The following DPP6 variants were observed in gnomAD, a reference collection of about 807,000 sequenced individuals.
DPP6 encodes A-type potassium channel modulatory protein DPP6.
A neutral mutation model predicts 122.6 loss-of-function variants in DPP6; 69 were observed. The ratio of observed to expected loss-of-function variants is 0.56; its 90% CI spans 0.46 to 0.69. The LOEUF is 0.69. Among genes scored for constraint, DPP6 ranks in the 30% least tolerant of loss-of-function variants. DPP6 has a pLI of 0.00. For synonymous variants in DPP6, 418 were observed against 433.1 expected (o/e 0.97, Z 0.43); for missense variants, 928 against 1,116.9 (o/e 0.83, Z 2.41).
At chr7:153,933,772 C>A (rs1801293380) in intron 1 of DPP6, among the ~76,000 whole-genome samples, 1 of 152,136 alleles carries the variant, frequency 6.6e-6, no homozygotes, top group Non-Finnish European at 1.5e-5. Context: ...AGTTCCCCCC[C>A]AGCAGGCAGA....
chr7:154,753,623 C>T (rs1366365274), intron 8 of DPP6, among the ~76,000 whole-genome samples: 1 of 152,208 alleles, frequency 6.6e-6, no homozygotes, highest in Admixed American at 6.5e-5. Flanking sequence ...AATCGACACC[C>T]TCATTCTCTT....
intron 5 of DPP6, among the ~76,000 whole-genome samples, chr7:154,570,947 T>A (rs1016669658): frequency 2.6e-5 from 4 of 152,216 alleles, no homozygotes; most frequent in Non-Finnish European, 5.9e-5. Context: ...GTGTTTGTAT[T>A]TATGTGGCAC....
intron 8 of DPP6, among the ~76,000 whole-genome samples, chr7:154,734,835 A>G (rs1351200606): frequency 1.3e-5 from 2 of 152,240 alleles, no homozygotes; most frequent in African/African-American, 4.8e-5. Flanking sequence ...TCTGCAAAAC[A>G]AAGATAACAG....
intron 5 of DPP6, among the ~76,000 whole-genome samples, chr7:154,574,802 TTGTG>T (rs1246680290): frequency 2.3e-5 from 3 of 128,518 alleles, no homozygotes; most frequent in Non-Finnish European, 5.0e-5. Flanking sequence ...TGGTGTGTGT[TTGTG>T]TGTGTGATGT....
intron 3 of DPP6, among the ~76,000 whole-genome samples, chr7:154,494,078 A>G (rs74316578): frequency 0.056 from 8,576 of 152,272 alleles, 783 homozygotes; most frequent in African/African-American, 0.19. Context: ...ATATTGCCGG[A>G]TATTGTGGCT....
chr7:154,636,006 G>T (rs1193292069), intron 5 of DPP6, among the ~76,000 whole-genome samples: 1 of 152,108 alleles, frequency 6.6e-6, no homozygotes, highest in East Asian at 1.9e-4. Flanking sequence ...ACAGAATTAG[G>T]TTCCATCTCT....
At chr7:154,429,433 C>T (rs1818178601) in intron 1 of DPP6, among the ~76,000 whole-genome samples, 1 of 152,210 alleles carries the variant, frequency 6.6e-6, no homozygotes, top group Non-Finnish European at 1.5e-5. Context: ...TTGGAAAGCA[C>T]AGTGCCTCTA....
At chr7:154,757,905 G>C (rs550237736) in intron 8 of DPP6, among the ~76,000 whole-genome samples, 23 of 152,326 alleles carry the variant, frequency 1.5e-4, no homozygotes, top group African/African-American at 5.3e-4. Context: ...AAGTGGCTCA[G>C]GGAGGTCGGA....
intron 23 of DPP6, 131 bp downstream of exon 23, chr7:154,887,865 C>T (rs761895825): frequency 1.2e-5 from 13 of 1,075,616 alleles, no homozygotes; most frequent in Non-Finnish European, 1.9e-5. Flanking sequence ...GCACCAAAGC[C>T]CACTCAGAAA....
intron 7 of DPP6, among the ~76,000 whole-genome samples, chr7:154,704,747 G>A (rs888518467): frequency 6.6e-6 from 1 of 152,184 alleles, no homozygotes; most frequent in Non-Finnish European, 1.5e-5. Context: ...CTTTTGCACA[G>A]TTACTAATCT....
At chr7:153,764,519 C>G in the DPP6 span, among the ~76,000 whole-genome samples, 1 of 151,986 alleles carries the variant, frequency 6.6e-6, no homozygotes, top group Non-Finnish European at 1.5e-5. Flanking sequence ...TACAGCGTCA[C>G]ATGGTGGTTA....
At chr7:154,783,827 G>C (rs1797174719) in intron 10 of DPP6, among the ~76,000 whole-genome samples, 1 of 152,142 alleles carries the variant, frequency 6.6e-6, no homozygotes, top group Admixed American at 6.5e-5. Flanking sequence ...CCAGGACTGT[G>C]AGGAAGAATG....
At chr7:153,980,673 T>C (rs1796538259) in intron 1 of DPP6, among the ~76,000 whole-genome samples, 1 of 152,222 alleles carries the variant, frequency 6.6e-6, no homozygotes, top group Admixed American at 6.5e-5. Flanking sequence ...TGCTTTCTCA[T>C]GTGGGTGTTT....
At chr7:154,887,803 CTGGCTGTA>C in intron 23 of DPP6, 69 bp downstream of exon 23, 1 of 1,577,296 alleles carries the variant, frequency 6.3e-7, no homozygotes, top group Non-Finnish European at 8.7e-7. Context: ...CCAGCCTGCC[CTGGCTGTA>C]TGGCCCACTC....
At chr7:153,962,207 G>A (rs1389840199) in intron 1 of DPP6, among the ~76,000 whole-genome samples, 5 of 152,040 alleles carry the variant, frequency 3.3e-5, no homozygotes, top group Admixed American at 1.3e-4. Flanking sequence ...GAAGGGAAGT[G>A]AGGTGCCAGG....
intron 5 of DPP6, among the ~76,000 whole-genome samples, chr7:154,593,595 A>G (rs551299924): frequency 2.0e-5 from 3 of 152,376 alleles, no homozygotes; most frequent in Non-Finnish European, 4.4e-5. Flanking sequence ...ACCAATGTGT[A>G]TCTACATAGG....
chr7:154,697,966 G>A (rs1216703581), intron 7 of DPP6, among the ~76,000 whole-genome samples: 1 of 151,984 alleles, frequency 6.6e-6, no homozygotes, highest in Non-Finnish European at 1.5e-5. Flanking sequence ...TAGGCATTTG[G>A]TTGAACTTTA....
At chr7:154,652,495 T>C (rs6597490) in intron 6 of DPP6, among the ~76,000 whole-genome samples, 119,514 of 151,512 alleles carry the variant, frequency 0.79, 48,793 homozygotes, top group South Asian at 0.91. Flanking sequence ...GGATAATAGA[T>C]GCAGCTCTCT....
At chr7:153,847,379 A>C in the DPP6 span, among the ~76,000 whole-genome samples, 4 of 152,160 alleles carry the variant, frequency 2.6e-5, no homozygotes, top group Non-Finnish European at 5.9e-5. Context: ...TGCTAATTCC[A>C]ACATGTTGAT....
Sources: allele counts gnomAD v4.1 joint callset (sites outside exome capture counted in the v4.1 genomes callset), GRCh38; gene constraint gnomAD v4.1.1; transcripts MANE v1.5; gene names NCBI Gene and HGNC (gene_info 2026-07-23, HGNC 2026-07-21).